EFCAB13: variants seen among roughly 807,000 people sequenced by gnomAD.
EFCAB13 encodes the protein EF-hand calcium-binding domain-containing protein 13.
A neutral mutation model predicts 110.2 loss-of-function variants in EFCAB13; 91 were observed. The ratio of observed to expected loss-of-function variants is 0.83; its 90% CI spans 0.70 to 0.98. The LOEUF is 0.98. EFCAB13 is among the 50% of genes least tolerant of loss of function. EFCAB13 has a pLI of 0.00. For missense variants in EFCAB13, 968 were observed against 1,119.4 expected (o/e 0.86, Z 1.93); for synonymous variants, 323 against 369.9 (o/e 0.87, Z 1.45).
At chr17:47,373,000 G>A (rs1381637158) in intron 11 of EFCAB13, among the ~76,000 whole-genome samples, 1 of 151,786 alleles carries the variant, frequency 6.6e-6, no homozygotes, top group Non-Finnish European at 1.5e-5. Context: ...CTTTATGTAA[G>A]TTTTCTACTC....
At chr17:47,410,086 G>A (rs1432675575) in intron 21 of EFCAB13, among the ~76,000 whole-genome samples, 1 of 151,242 alleles carries the variant, frequency 6.6e-6, no homozygotes, top group Non-Finnish European at 1.5e-5. Flanking sequence ...TTGTGTTGCT[G>A]TAACAGAATA....
chr17:47,338,467 C>T (rs186500000), intron 5 of EFCAB13, among the ~76,000 whole-genome samples: 10 of 151,876 alleles, frequency 6.6e-5, no homozygotes, highest in Admixed American at 6.6e-4. Flanking sequence ...CCAGGCTGGT[C>T]TTGAACTCCT....
intron 10 of EFCAB13, among the ~76,000 whole-genome samples, chr17:47,366,673 G>A (rs899127041): frequency 2.0e-5 from 3 of 152,074 alleles, no homozygotes; most frequent in Non-Finnish European, 4.4e-5. Context: ...CATTCTTTAA[G>A]GTTTTGCTAA....
In EFCAB13 at chr17:47,398,779, C is replaced by T. The variant is rs542237461; in HGVS notation, c.1945+2802C>T. 1.1e-4 allele frequency among the ~76,000 whole-genome samples: 16 copies of T among 151,410 alleles called. No individual in the cohort carries two copies. In the East Asian group the frequency reaches 2.9e-3, roughly 28 times the overall value. ...CTTTGTTCACTTGTTTATCTGCTGA[C>T]CTTGCCTCCACTATTGTCCTATGAC... is the stretch of plus-strand genomic sequence containing the variant. On this transcript the variant is annotated intron_variant, in intron 17 of 24. Transcript: ENST00000331493.
chr17:47,328,058 A>G (rs1343650188), intron 3 of EFCAB13: 28 of 469,498 alleles, frequency 6.0e-5, no homozygotes, highest in Middle Eastern at 5.3e-4. Flanking sequence ...TTCTCAAACC[A>G]CAAAAGGTAA....
chr17:47,377,174 CAT>C (rs1283260587), intron 12 of EFCAB13, among the ~76,000 whole-genome samples: 3 of 152,012 alleles, frequency 2.0e-5, no homozygotes, highest in African/African-American at 4.8e-5. Context: ...TACACACACA[CAT>C]ACACATACAA....
Position 47,381,180 on chromosome 17 carries a change from T to C in EFCAB13, c.1582+1927T>C, listed in dbSNP as rs113047437. Among the ~76,000 whole-genome samples, 1,309 of 152,174 alleles carry C rather than the reference T, an allele frequency of 8.6e-3. 13 individuals carry two copies. Among genetic ancestry groups the C allele is most frequent in the African/African-American group, 0.027 (1,117 of 41,556 alleles). ...TTCTTTTGAGAAGCGTCTGTTCATATCCTTCACCCACTTTTTGATGGGTTT... is the reference window on the plus strand; with the variant it reads ...TTCTTTTGAGAAGCGTCTGTTCATACCCTTCACCCACTTTTTGATGGGTTT... On this transcript the variant is annotated intron_variant, in intron 14 of 24. Coordinates refer to ENST00000331493, the MANE Select transcript of EFCAB13 (RefSeq NM_152347.5).
chr17:47,403,603 C>A (rs1002200887), intron 18 of EFCAB13, among the ~76,000 whole-genome samples: 7 of 152,160 alleles, frequency 4.6e-5, no homozygotes, highest in African/African-American at 1.7e-4. Context: ...AGGTCCACAG[C>A]AAAATAATTA....
chr17:47,420,864 G>A (rs1326468513), intron 23 of EFCAB13, among the ~76,000 whole-genome samples: 1 of 17,810 alleles, frequency 5.6e-5, no homozygotes, highest in Non-Finnish European at 1.9e-4. Flanking sequence ...AGGGAGGTGG[G>A]GGGGTCAGCC....
intron 23 of EFCAB13, among the ~76,000 whole-genome samples, chr17:47,416,751 C>T (rs72829631): frequency 0.05 from 7,602 of 152,194 alleles, 251 homozygotes; most frequent in East Asian, 0.11. Flanking sequence ...ATGCTGATAG[C>T]ATGTGTTTTC....
At chr17:47,345,688 G>A (rs2143269779) in intron 8 of EFCAB13, among the ~76,000 whole-genome samples, 1 of 152,248 alleles carries the variant, frequency 6.6e-6, no homozygotes, top group Admixed American at 6.5e-5. Context: ...GTCATTATGT[G>A]AAAATCTCAG....
At chr17:47,356,422 C>T (rs1419950561) in intron 9 of EFCAB13, among the ~76,000 whole-genome samples, 1 of 152,172 alleles carries the variant, frequency 6.6e-6, no homozygotes, top group Non-Finnish European at 1.5e-5. Flanking sequence ...CCCCTAGGGG[C>T]TTCCTGAGAC....
intron 11 of EFCAB13, among the ~76,000 whole-genome samples, chr17:47,370,738 G>GT (rs764924546): frequency 2.5e-3 from 323 of 127,158 alleles, no homozygotes; most frequent in East Asian, 3.4e-3. Flanking sequence ...GTTGTTGTTT[G>GT]TTTTTTTTTT....
chr17:47,347,773 A>T, intron 8 of EFCAB13, 35 bp from the exon 9 acceptor site: 1 of 1,346,690 alleles, frequency 7.4e-7, no homozygotes. Context: ...ATTCTTTTTG[A>T]TTAACTAACT....
At chr17:47,405,627 A>G (rs1312371514) in intron 20 of EFCAB13, among the ~76,000 whole-genome samples, 2 of 152,090 alleles carry the variant, frequency 1.3e-5, no homozygotes, top group South Asian at 2.1e-4. Flanking sequence ...GACTTAGACT[A>G]TTAGGACAGC....
chr17:47,412,942 C>G lies in EFCAB13; in HGVS notation c.2422+26C>G, dbSNP rs1486321093. On this transcript the variant is annotated intron_variant, in intron 22 of 24. Transcript: ENST00000331493. ...GTGAGCATTTTTTTGGCCTGAGATTCTTTTCATTTTTTTTCTACTTATGAA... is the reference window on the plus strand; with the variant it reads ...GTGAGCATTTTTTTGGCCTGAGATTGTTTTCATTTTTTTTCTACTTATGAA... 4.4e-6 allele frequency: 7 copies of G among 1,591,484 alleles called. No individual in the cohort carries two copies. In the South Asian group the frequency reaches 4.6e-5, roughly 10 times the overall value.
At position 47,404,591 on chromosome 17, in the gene EFCAB13, A is replaced by G. The variant is rs1198244523; in HGVS notation, c.2191A>G (p.Met731Val). The change falls in exon 20 of 25, where the codon ATG becomes GTG. Residue 731 changes from methionine (M) to valine (V), a missense_variant. Met to Val is a conservative substitution (Grantham distance 21). Transcript: ENST00000331493. The stretch of plus-strand genomic sequence containing the variant: ...TAACATGGTGAACATTAAAGACTGT[A>G]TGAGGGCTTTGAGGGACACCCAGAA... ...EDNMVNIKDC[M>V]RALRDTQKFS... is the part of the protein sequence containing the mutation. The G allele has an allele frequency of 1.2e-6, 2 of 1,612,940 alleles. No homozygotes were observed. The highest frequency in any genetic ancestry group is 8.5e-7 in the Non-Finnish European group (1 of 1,179,340).
intron 10 of EFCAB13, among the ~76,000 whole-genome samples, chr17:47,363,352 C>T (rs1812000613): frequency 6.6e-6 from 1 of 152,104 alleles, no homozygotes; most frequent in African/African-American, 2.4e-5. Context: ...CAGGCATGAG[C>T]CACTGGGCCC....
At chr17:47,432,314 T>C (rs1025904678) in intron 24 of EFCAB13, among the ~76,000 whole-genome samples, 3 of 151,794 alleles carry the variant, frequency 2.0e-5, no homozygotes, top group African/African-American at 7.3e-5. Flanking sequence ...AGGAGAATGG[T>C]GTGAACCCGG....
Sources: gnomAD v4.1 joint callset for allele counts (sites outside exome capture counted in the v4.1 genomes callset) on GRCh38, gnomAD v4.1.1 for gene constraint, MANE v1.5 for transcripts, NCBI Gene and HGNC (gene_info 2026-07-23, HGNC 2026-07-21) for gene names.